PAK3: variants seen among roughly 807,000 people sequenced by gnomAD.
The protein encoded by PAK3 is p21 (RAC1) activated kinase 3.
A neutral mutation model predicts 41.0 loss-of-function variants in PAK3; 4 were observed. The observed-to-expected ratio is 0.10, with a 90% confidence interval of 0.05 to 0.22. The LOEUF (loss-of-function observed/expected upper bound fraction) is 0.22, where lower values mean the gene tolerates loss of function less well. PAK3 is among the 10% of genes least tolerant of loss of function. The pLI is 1.00. For missense variants in PAK3, 205 were observed against 409.9 expected (o/e 0.50, Z 4.32); for synonymous variants, 146 against 139.6 (o/e 1.05, Z -0.32).
chrX:111,003,637 A>G (rs949611070), intron 1 of PAK3, among the ~76,000 whole-genome samples: 2 of 111,738 alleles, frequency 1.8e-5, no homozygotes, highest in Admixed American at 1.9e-4. Flanking sequence ...GTTAGAGCCA[A>G]TGCTGTAAGA....
chrX:111,068,990 TG>T (rs1211495594), intron 1 of PAK3, among the ~76,000 whole-genome samples: 1 of 111,924 alleles, frequency 8.9e-6, no homozygotes, highest in Non-Finnish European at 1.9e-5. Flanking sequence ...TCGATACAAA[TG>T]GTAATAGTCT....
At chrX:111,205,901 T>C (rs1249126805) in intron 16 of PAK3, among the ~76,000 whole-genome samples, 3 of 111,966 alleles carry the variant, frequency 2.7e-5, no homozygotes, top group Non-Finnish European at 1.9e-5. Flanking sequence ...CTTCTTGCAC[T>C]AATATTCTGA....
At chrX:111,138,570 A>T (rs753729622) in intron 5 of PAK3, among the ~76,000 whole-genome samples, 81 of 111,168 alleles carry the variant, frequency 7.3e-4, no homozygotes, top group African/African-American at 2.6e-3. Flanking sequence ...CTTTAAGAGT[A>T]AGGACTAATA....
chrX:111,197,101 C>T (rs2094624542), intron 16 of PAK3, among the ~76,000 whole-genome samples: 1 of 110,211 alleles, frequency 9.1e-6, no homozygotes, highest in Admixed American at 9.7e-5. Flanking sequence ...CAAGTAGGCC[C>T]CAGTGTCAAT....
intron 8 of PAK3, among the ~76,000 whole-genome samples, chrX:111,156,098 T>A (rs761169762): frequency 8.1e-5 from 9 of 111,449 alleles, no homozygotes; most frequent in Non-Finnish European, 1.5e-4. Flanking sequence ...GAAGGGAGAC[T>A]AGTAGGGAGA....
At chrX:111,156,563 C>T (rs1402981979) in intron 8 of PAK3, among the ~76,000 whole-genome samples, 1 of 111,999 alleles carries the variant, frequency 8.9e-6, no homozygotes, top group African/African-American at 3.2e-5. Flanking sequence ...CTTTTTGCAT[C>T]ATAAAAACTC....
intron 11 of PAK3, among the ~76,000 whole-genome samples, chrX:111,178,980 T>TATAGAGAG (rs1211051270): frequency 8.7e-5 from 8 of 91,599 alleles, no homozygotes; most frequent in African/African-American, 3.2e-4. Context: ...TATATATATA[T>TATAGAGAG]AGAGAGAGAG....
chrX:111,059,928 T>C (rs2092641412), intron 1 of PAK3, among the ~76,000 whole-genome samples: 1 of 111,788 alleles, frequency 8.9e-6, no homozygotes, highest in Non-Finnish European at 1.9e-5. Context: ...TTATTTGTTT[T>C]TCTGGCCTAA....
chrX:111,181,535 T>C (rs1218192879), intron 11 of PAK3, among the ~76,000 whole-genome samples: 1 of 111,440 alleles, frequency 9.0e-6, no homozygotes, highest in Non-Finnish European at 1.9e-5. Context: ...AAGTATATAA[T>C]GTTAGGTATT....
At chrX:111,040,982 G>T (rs1477327347) in intron 1 of PAK3, among the ~76,000 whole-genome samples, 2 of 112,166 alleles carry the variant, frequency 1.8e-5, no homozygotes, top group Non-Finnish European at 3.8e-5. Context: ...GTTTTCCAGT[G>T]GCCTCCCAGA....
intron 1 of PAK3, among the ~76,000 whole-genome samples, chrX:111,003,421 A>G (rs1298494166): frequency 2.7e-5 from 3 of 111,283 alleles, no homozygotes; most frequent in African/African-American, 9.8e-5. Flanking sequence ...TAGAACTTCC[A>G]AATTGGGAGG....
At chrX:110,965,037 C>T (rs1374535467) in intron 1 of PAK3, among the ~76,000 whole-genome samples, 1 of 112,016 alleles carries the variant, frequency 8.9e-6, no homozygotes, top group Non-Finnish European at 1.9e-5. Context: ...TGCGGCCGCA[C>T]TTGTTATTTT....
chrX:111,185,171 G>A (rs1323518890), intron 11 of PAK3, among the ~76,000 whole-genome samples: 1 of 112,073 alleles, frequency 8.9e-6, no homozygotes. Context: ...TTTTTAGTAT[G>A]TTTGTTGACC....
chrX:111,097,066 C>A (rs1456087531), intron 1 of PAK3, among the ~76,000 whole-genome samples: 5 of 108,722 alleles, frequency 4.6e-5, no homozygotes, highest in Non-Finnish European at 9.6e-5. Flanking sequence ...GCAATAACGC[C>A]CCCAGAAAGC....
intron 1 of PAK3, among the ~76,000 whole-genome samples, chrX:110,973,543 T>C (rs1206893423): frequency 2.7e-5 from 3 of 111,833 alleles, no homozygotes. Flanking sequence ...CAGGCCTGCC[T>C]TACAAGAGCT....
intron 8 of PAK3, among the ~76,000 whole-genome samples, chrX:111,157,742 G>A (rs777237635): frequency 3.7e-5 from 4 of 107,409 alleles, no homozygotes; most frequent in South Asian, 4.2e-4. Flanking sequence ...AACAGAGATC[G>A]TGCCATTGCA....
At chrX:111,009,686 A>C (rs139182716) in intron 1 of PAK3, among the ~76,000 whole-genome samples, 147 of 112,644 alleles carry the variant, frequency 1.3e-3, no homozygotes, top group African/African-American at 3.5e-3. Context: ...AATCTGCTTT[A>C]TATTTGTACC....
chrX:111,159,148 A>G (rs995046632), intron 8 of PAK3, among the ~76,000 whole-genome samples: 4 of 111,719 alleles, frequency 3.6e-5, no homozygotes, highest in African/African-American at 1.3e-4. Flanking sequence ...AGTAACTTTT[A>G]AAATGTATGG....
chrX:111,105,189 C>T (rs1263464050), intron 4 of PAK3, among the ~76,000 whole-genome samples: 3 of 111,454 alleles, frequency 2.7e-5, no homozygotes, highest in African/African-American at 9.8e-5. Flanking sequence ...TTCACATTTT[C>T]ATATTGATGC....
Sources: allele counts gnomAD v4.1 joint callset (sites outside exome capture counted in the v4.1 genomes callset), GRCh38; gene constraint gnomAD v4.1.1; transcripts MANE v1.5; gene names NCBI Gene and HGNC (gene_info 2026-07-23, HGNC 2026-07-21).